The following CDH16 variants were observed in gnomAD, a reference collection of about 807,000 sequenced individuals.
CDH16 encodes cadherin-16.
In CDH16, 79 loss-of-function variants were observed where a neutral mutation model predicts 87.6. That is an observed-to-expected ratio of 0.90 (90% CI 0.75 to 1.09). The LOEUF (loss-of-function observed/expected upper bound fraction) is 1.09, where lower values mean the gene tolerates loss of function less well. CDH16 is among the 50% of genes least tolerant of loss of function. CDH16 has a pLI of 0.00. For missense variants in CDH16, 1,124 were observed against 1,071.7 expected (o/e 1.05, Z -0.68); for synonymous variants, 457 against 439.5 (o/e 1.04, Z -0.50).
intron 3 of CDH16, among the ~76,000 whole-genome samples, chr16:66,917,170 A>C (rs1235894951): frequency 6.6e-6 from 1 of 151,832 alleles, no homozygotes; most frequent in East Asian, 1.9e-4. Context: ...GTGGTGGTGC[A>C]TGCCTGTAGT....
chr16:66,911,318 G>A lies in CDH16; in HGVS notation c.1791-3C>T, dbSNP rs375254137. On this transcript the variant is annotated splice_region_variant and splice_polypyrimidine_tract_variant and intron_variant, in intron 13 of 17. Transcript: ENST00000299752. Reference sequence around the variant, plus strand: ...CTGAGTCATTGACTAGGGAGAACCTGCCGCCCAAAGAAGGAGGTGAGGAGG... The same window carrying A: ...CTGAGTCATTGACTAGGGAGAACCTACCGCCCAAAGAAGGAGGTGAGGAGG... The A allele has an allele frequency of 3.3e-4, 538 of 1,612,896 alleles. No individual in the cohort carries two copies. Among genetic ancestry groups the A allele is most frequent in the Non-Finnish European group, 4.4e-4 (514 of 1,179,524 alleles).
rs1014469798 is a variant in CDH16 at position 66,915,233 on chromosome 16, G to A, written c.570C>T (p.Ala190=). ...FQLEPRLGAL[A]LSPKGSTSLD... ...GCTCGGGCTTACCCTTGGGGCTGAG[G>A]GCCAGAGCCCCCAGCCGAGGCTCCA... Residue 190 remains alanine (A), a synonymous_variant, in exon 6 of 18, where the codon GCC becomes GCT. Transcript: ENST00000299752. 2.5e-6 allele frequency: 4 copies of A among 1,611,636 alleles called. No individual in the cohort carries two copies. The highest frequency in any genetic ancestry group is 1.7e-5 in the Admixed American group (1 of 59,870).
chr16:66,908,330 C>G lies in CDH16; in HGVS notation c.*62G>C. ...CCTGCTGGATCTTGGGTGCTGGGCT[C>G]TCTCCCAGGGGACTCAGATGGAGCC... is the stretch of plus-strand genomic sequence containing the variant. On this transcript the variant is annotated 3_prime_UTR_variant, in exon 18 of 18. Coordinates refer to ENST00000299752, the MANE Select transcript of CDH16 (RefSeq NM_004062.4). The G allele has an allele frequency of 7.3e-7, 1 of 1,370,772 alleles. No individual in the cohort carries two copies. The highest frequency in any genetic ancestry group is 1.0e-6 in the Non-Finnish European group (1 of 963,906). 84.9% of individuals were successfully genotyped at this position (1,370,772 alleles called of 1,614,324 possible).
chr16:66,916,146 GC>G lies in CDH16; in HGVS notation c.342del (p.His115ThrfsTer2). The G allele has an allele frequency of 6.2e-7, 1 of 1,614,250 alleles. No individual in the cohort carries two copies. The highest frequency in any genetic ancestry group is 8.5e-7 in the Non-Finnish European group (1 of 1,180,040). ...HVLWGPQPVL[V>X]HVKDENDQVP... ...ACCTGGTCATTCTCATCCTTCACGT[GC>G]ACAAGCACAGGCTGTGGACCCCACA... On this transcript the variant is annotated frameshift_variant, in exon 5 of 18. Coordinates refer to ENST00000299752, the MANE Select transcript of CDH16 (RefSeq NM_004062.4). LOFTEE classifies it high-confidence loss of function. The surrounding 1 kb of genome is among the most constrained non-coding windows in gnomAD (Gnocchi z 4.1).
Position 66,911,316 on chromosome 16 carries a change from C to T in CDH16, c.1791-1G>A. Reference sequence around the variant, plus strand: ...CTCTGAGTCATTGACTAGGGAGAACCTGCCGCCCAAAGAAGGAGGTGAGGA... The same window carrying T: ...CTCTGAGTCATTGACTAGGGAGAACTTGCCGCCCAAAGAAGGAGGTGAGGA... On this transcript the variant is annotated splice_acceptor_variant, in intron 13 of 17. Transcript: ENST00000299752. LOFTEE classifies it high-confidence loss of function. 1 of 1,613,138 alleles carries T rather than the reference C, an allele frequency of 6.2e-7. No individual in the cohort carries two copies. The highest frequency in any genetic ancestry group is 2.2e-5 in the East Asian group (1 of 44,864).
Position 66,908,402 on chromosome 16 carries a change from G to A in CDH16, c.2480C>T (p.Ala827Val), listed in dbSNP as rs756850918. Residue 827 changes from alanine (A) to valine (V), a missense_variant, in exon 18 of 18, where the codon GCG becomes GTG. Physicochemically the swap from Ala to Val is moderately conservative, Grantham distance 64. Coordinates refer to ENST00000299752, the MANE Select transcript of CDH16 (RefSeq NM_004062.4). ...AGCTGCCTGGGCCATTCAGACAGTC[G>A]CCTTCAGGGGCACGCTGTCTGCTGG... ...DQPADSVPLK[A>V]TV 19 of 1,613,612 alleles carry A rather than the reference G, an allele frequency of 1.2e-5. No homozygotes were observed. The highest frequency in any genetic ancestry group is 1.7e-5 in the Admixed American group (1 of 60,012).
chr16:66,915,157 C>T, intron 6 of CDH16, 63 bp downstream of exon 6: 1 of 1,475,982 alleles, frequency 6.8e-7, no homozygotes, highest in Non-Finnish European at 9.1e-7. Context: ...TCTTATGGTT[C>T]AGATACCACC....
At chr16:66,915,152 T>C in intron 6 of CDH16, 68 bp downstream of exon 6, 2 of 1,441,108 alleles carry the variant, frequency 1.4e-6, no homozygotes, top group Non-Finnish European at 1.9e-6. Context: ...GCTTGTCTTA[T>C]GGTTCAGATA....
intron 7 of CDH16, 64 bp downstream of exon 7, chr16:66,914,152 T>A: frequency 7.1e-7 from 1 of 1,405,094 alleles, no homozygotes; most frequent in South Asian, 1.2e-5. Flanking sequence ...CAAATATCCA[T>A]GAGACTCGGG....
At position 66,916,017 on chromosome 16, in the gene CDH16, T is replaced by G. The variant is rs923578363; in HGVS notation, c.424+48A>C. The G allele has an allele frequency of 1.2e-6, 2 of 1,611,542 alleles. No homozygotes were observed. The highest frequency in any genetic ancestry group is 2.7e-5 in the African/African-American group (2 of 74,914). ...CATCTCTTCGCTCTCTGCTGTTCCA[T>G]CAAGGCCCACCTGACCTTACTGTAA... On this transcript the variant is annotated intron_variant, in intron 5 of 17. Coordinates refer to ENST00000299752, the MANE Select transcript of CDH16 (RefSeq NM_004062.4). The surrounding 1 kb of genome is among the most constrained non-coding windows in gnomAD (Gnocchi z 4.1).
intron 7 of CDH16, 92 bp downstream of exon 7, chr16:66,914,124 G>A: frequency 1.8e-6 from 2 of 1,105,620 alleles, no homozygotes; most frequent in Non-Finnish European, 2.7e-6. Context: ...GGGTCATGAG[G>A]GTTCCAGACC....
At chr16:66,914,005 C>T (rs72794250) in intron 7 of CDH16, among the ~76,000 whole-genome samples, 8,099 of 152,276 alleles carry the variant, frequency 0.053, 243 homozygotes, top group African/African-American at 0.077. Flanking sequence ...CACAGAGTCA[C>T]GCCTGCTAGA....
Position 66,912,528 on chromosome 16 carries a change from G to C in CDH16, c.1335C>G (p.His445Gln). The change falls in exon 11 of 18, where the codon CAC becomes CAG. Residue 445 changes from histidine (H) to glutamine (Q), a missense_variant. Coordinates refer to ENST00000299752, the MANE Select transcript of CDH16 (RefSeq NM_004062.4). ...CCTGGGAAGTGATGAACTCAGGGGC[G>C]TGATCATTGATATCTGTGACTGCGA... The part of the protein sequence containing the change: ...VEVAVTDIND[H>Q]APEFITSQIG... 6.2e-7 allele frequency: 1 copy of C among 1,614,180 alleles called. No individual in the cohort carries two copies. Among genetic ancestry groups the C allele is most frequent in the Non-Finnish European group, 8.5e-7 (1 of 1,180,022 alleles).
At chr16:66,911,573 C>T (rs1962417352) in intron 13 of CDH16, among the ~76,000 whole-genome samples, 2 of 152,262 alleles carry the variant, frequency 1.3e-5, no homozygotes, top group East Asian at 1.9e-4. Context: ...CAACTTTGCT[C>T]ACTCCAGGTC....
chr16:66,910,446 G>A lies in CDH16; in HGVS notation c.1981C>T (p.Pro661Ser). The A allele has an allele frequency of 6.3e-7, 1 of 1,580,954 alleles. No homozygotes were observed. The highest frequency in any genetic ancestry group is 1.3e-5 in the African/African-American group (1 of 74,168). ...GGGGCAAGAGTCAGGGCTGGGGCAGGAGGGGCCTTTAGGAAGTGGATCACC... is the reference window on the plus strand; with the variant it reads ...GGGGCAAGAGTCAGGGCTGGGGCAGAAGGGGCCTTTAGGAAGTGGATCACC... ...PLVIHFLKAP[P>S]APALTLAPVP... The change falls in exon 15 of 18, where the codon CCT becomes TCT. Residue 661 changes from proline to serine, a missense_variant. Transcript: ENST00000299752.
chr16:66,912,160 G>A lies in CDH16; in HGVS notation c.1549-20C>T, dbSNP rs771092925. On this transcript the variant is annotated intron_variant, in intron 12 of 17. Transcript: ENST00000299752. ...GAGGTTCTGGAACCAGGAGGCCCAGGTCACTGTGCGGGCCTGGGCAAGGCA... is the reference window on the plus strand; with the variant it reads ...GAGGTTCTGGAACCAGGAGGCCCAGATCACTGTGCGGGCCTGGGCAAGGCA... 3 of 1,609,472 alleles carry A rather than the reference G, an allele frequency of 1.9e-6. No individual in the cohort carries two copies. The highest frequency in any genetic ancestry group is 2.5e-6 in the Non-Finnish European group (3 of 1,176,604).
In CDH16 at chr16:66,915,356, C is replaced by T; in HGVS notation, c.447G>A (p.Glu149=). 2 of 1,613,630 alleles carry T rather than the reference C, an allele frequency of 1.2e-6. No homozygotes were observed. The highest frequency in any genetic ancestry group is 1.1e-5 in the South Asian group (1 of 91,012). ...TGCCTGGCTCATCCCGGTCTGAAGCCTCAAGGAAGAGGAAGGGGATGCCTG... is the reference window on the plus strand; with the variant it reads ...TGCCTGGCTCATCCCGGTCTGAAGCTTCAAGGAAGAGGAAGGGGATGCCTG... ...TRPGIPFLFL[E]ASDRDEPGTA... Residue 149 remains glutamate (E), a synonymous_variant, in exon 6 of 18, where the codon GAG becomes GAA. Transcript: ENST00000299752.
chr16:66,913,159 T>A lies in CDH16; in HGVS notation c.1026A>T (p.Thr342=). The change falls in exon 9 of 18, where the codon ACA becomes ACT. Residue 342 remains threonine, a synonymous_variant. Coordinates refer to ENST00000299752, the MANE Select transcript of CDH16 (RefSeq NM_004062.4). ...NVPICPPRDP[T]VSIPELSPPG... ...GTGGACTGAGCTCAGGGATGCTGACTGTGGGGTCACGGGGAGGGCAGATAG... is the reference window on the plus strand; with the variant it reads ...GTGGACTGAGCTCAGGGATGCTGACAGTGGGGTCACGGGGAGGGCAGATAG... 1 of 1,610,168 alleles carries A rather than the reference T, an allele frequency of 6.2e-7. No homozygotes were observed. The highest frequency in any genetic ancestry group is 8.5e-7 in the Non-Finnish European group (1 of 1,178,228).
At chr16:66,915,621 A>G (rs1596984242) in intron 5 of CDH16, among the ~76,000 whole-genome samples, 1 of 152,236 alleles carries the variant, frequency 6.6e-6, no homozygotes, top group Non-Finnish European at 1.5e-5. Flanking sequence ...GGCCAGGTGC[A>G]GTGGCTCATG....
Sources: allele counts gnomAD v4.1 joint callset (sites outside exome capture counted in the v4.1 genomes callset), GRCh38; gene constraint gnomAD v4.1.1; non-coding constraint Gnocchi (gnomAD v3.1); transcripts MANE v1.5; gene names NCBI Gene and HGNC (gene_info 2026-07-23, HGNC 2026-07-21).